PGAP2: variants seen among roughly 807,000 people sequenced by gnomAD.
The protein encoded by PGAP2 is post-GPI attachment to proteins 2.
Under a neutral mutation model 33.2 loss-of-function variants are expected in PGAP2, and 21 were observed. The ratio of observed to expected loss-of-function variants is 0.63; its 90% CI spans 0.45 to 0.91. PGAP2 has a LOEUF of 0.91. Among genes scored for constraint, PGAP2 ranks in the 40% least tolerant of loss-of-function variants. The probability of loss-of-function intolerance (pLI) is 0.00; values close to 1 mark genes in which losing one functional copy is unlikely to be tolerated. For missense variants in PGAP2, 345 were observed against 424.0 expected (o/e 0.81, Z 1.64); for synonymous variants, 161 against 172.9 (o/e 0.93, Z 0.54).
At chr11:3,821,486 G>A (rs2134904720) in intron 3 of PGAP2, among the ~76,000 whole-genome samples, 1 of 152,336 alleles carries the variant, frequency 6.6e-6, no homozygotes, top group East Asian at 1.9e-4. Context: ...TGCTGGGGGT[G>A]GTGGCTCACG....
chr11:3,805,058 C>T (rs894828350), upstream of PGAP2, among the ~76,000 whole-genome samples: 9 of 151,958 alleles, frequency 5.9e-5, no homozygotes, highest in Admixed American at 2.0e-4. Context: ...TAGGCGAGGT[C>T]TTTCAAACTG....
At chr11:3,812,686 T>C in intron 2 of PGAP2, among the ~76,000 whole-genome samples, 1 of 152,210 alleles carries the variant, frequency 6.6e-6, no homozygotes, top group East Asian at 1.9e-4. Flanking sequence ...CCCAGCCAGC[T>C]GGATCCCCAC....
At chr11:3,799,922 A>G (rs1045609373) in intron 1 of PGAP2, among the ~76,000 whole-genome samples, 3 of 152,174 alleles carry the variant, frequency 2.0e-5, no homozygotes, top group African/African-American at 4.8e-5. Context: ...AGCTGTGATT[A>G]CAGTCATGCC....
chr11:3,824,676 G>T, intron 5 of PGAP2: 1 of 768,682 alleles, frequency 1.3e-6, no homozygotes. Flanking sequence ...AGTGTCAGAG[G>T]ACTGGTCTGT....
rs1316144338 is a variant in PGAP2 at position 3,823,912 on chromosome 11, A to G, written c.378A>G (p.Ser126=). The change falls in exon 4 of 7, where the codon TCA becomes TCG. Residue 126 remains serine (S), a synonymous_variant. Coordinates refer to ENST00000278243, the MANE Select transcript of PGAP2 (RefSeq NM_014489.4). ...GVPNYLPSVS[S]AIGGEVPQRY... is the part of the protein sequence containing the mutation. The stretch of plus-strand genomic sequence containing the variant: ...CCAATTACCTGCCCTCGGTGAGCTC[A>G]GCCATCGGCGGGGAGGTGCCCCAGC... 5 of 1,605,564 alleles carry G rather than the reference A, an allele frequency of 3.1e-6. No homozygotes were observed. The highest frequency in any genetic ancestry group is 4.2e-6 in the Non-Finnish European group (5 of 1,179,936).
chr11:3,823,054 T>TTTTTTTTTTTTTTTTTTG lies in PGAP2; in HGVS notation c.349-829_349-828insTTTTTTTTTTTTTTTTTG, dbSNP rs1316682518. On this transcript the variant is annotated intron_variant, in intron 3 of 6. Coordinates refer to ENST00000278243, the MANE Select transcript of PGAP2 (RefSeq NM_014489.4). ...TTTTTTTTTTTTTTTTTTTTTTTTT[T>TTTTTTTTTTTTTTTTTTG]GAGACAGAGTCTCACTCTGTTGCCC... 3 of 564,908 alleles carry TTTTTTTTTTTTTTTTTTG rather than the reference T, an allele frequency of 5.3e-6. No individual in the cohort carries two copies. The African/African-American group carries it at 7.3e-5, about 14-fold the overall frequency. The allele number at this position is 564,908 out of a possible 1,614,324, so 35.0% of individuals were successfully genotyped here.
upstream of PGAP2, chr11:3,808,169 T>C (rs1000802500): frequency 1.1e-5 from 16 of 1,469,430 alleles, no homozygotes; most frequent in Admixed American, 4.1e-5. Flanking sequence ...GGGAGGAAAC[T>C]GGCTTAATGT....
chr11:3,801,142 A>AG lies in PGAP2; in HGVS notation c.139+3160_139+3161insG, dbSNP rs1564967889. ...AGAGTGAAAGTCTGTCTTCAAAAAA[A>AG]AAAGAAAAGAAAGGAAAGAAAAAGA... On this transcript the variant is annotated intron_variant, in intron 1 of 6. Transcript: ENST00000300730. 2.6e-5 allele frequency among the ~76,000 whole-genome samples: 4 copies of AG among 151,710 alleles called. No homozygotes were observed. The East Asian group carries it at 7.7e-4, about 29-fold the overall frequency.
chr11:3,818,347 T>C (rs1448815949), intron 3 of PGAP2, among the ~76,000 whole-genome samples: 1 of 127,266 alleles, frequency 7.9e-6, no homozygotes, highest in African/African-American at 3.0e-5. Flanking sequence ...AAAAAAACAA[T>C]AACAGTGCAA....
intron 2 of PGAP2, among the ~76,000 whole-genome samples, chr11:3,815,253 A>G (rs2086735653): frequency 6.6e-6 from 1 of 151,538 alleles, no homozygotes; most frequent in Non-Finnish European, 1.5e-5. Context: ...TCGTGGCTTC[A>G]GGTCAGCCCT....
Position 3,825,776 on chromosome 11 carries a change from C to T in PGAP2, c.*318C>T, listed in dbSNP as rs2089925415. 1 of 247,538 alleles carries T rather than the reference C, an allele frequency of 4.0e-6. No homozygotes were observed. Among genetic ancestry groups the T allele is most frequent in the South Asian group, 5.8e-5 (1 of 17,174 alleles). 15.3% of individuals were successfully genotyped at this position (247,538 alleles called of 1,614,324 possible). On this transcript the variant is annotated 3_prime_UTR_variant, in exon 7 of 7. Coordinates refer to ENST00000278243, the MANE Select transcript of PGAP2 (RefSeq NM_014489.4). ...ACCACCATCCAGTTTCTGGCCTTTA[C>T]ACAGTCACCTTTCACTGAGGTCAGG...
At chr11:3,804,175 T>C (rs936126480), upstream of PGAP2, among the ~76,000 whole-genome samples, 5 of 152,142 alleles carry the variant, frequency 3.3e-5, no homozygotes, top group Admixed American at 2.0e-4. Context: ...AATTACCACA[T>C]GCATTCTTAA....
rs1277284876 is a variant in PGAP2, at chr11:3,808,560, G to A, written c.-102G>A. The stretch of plus-strand genomic sequence containing the variant: ...CGAGAGCGCCGGCCCCGCCCCCGCC[G>A]TTCGCGCTCTGACCAGCCCGCAGAG... On this transcript the variant is annotated 5_prime_UTR_variant, in exon 1 of 7. Transcript: ENST00000278243. 2 of 1,391,368 alleles carry A rather than the reference G, an allele frequency of 1.4e-6. No homozygotes were observed. The highest frequency in any genetic ancestry group is 1.9e-6 in the Non-Finnish European group (2 of 1,074,152). The allele number at this position is 1,391,368 out of a possible 1,614,324, so 86.2% of individuals were successfully genotyped here. A position where few individuals can be genotyped will look rare whatever the true frequency, so the allele number is the denominator to read the frequency against.
intron 5 of PGAP2, 129 bp downstream of exon 5, chr11:3,824,505 G>C (rs1438888724): frequency 3.5e-6 from 5 of 1,416,122 alleles, no homozygotes; most frequent in African/African-American, 1.4e-5. Context: ...GGGGTGCTGG[G>C]GTTGGGGCTG....
chr11:3,825,227 G>T, intron 6 of PGAP2, 99 bp downstream of exon 6: 1 of 1,558,026 alleles, frequency 6.4e-7, no homozygotes, highest in Non-Finnish European at 8.8e-7. Flanking sequence ...GGCTGCCATT[G>T]TGTTCTCTGT....
At chr11:3,818,168 G>C (rs1240344204) in intron 3 of PGAP2, among the ~76,000 whole-genome samples, 1 of 151,712 alleles carries the variant, frequency 6.6e-6, no homozygotes, top group Non-Finnish European at 1.5e-5. Flanking sequence ...TTTGAGACCA[G>C]CCTGGCCAAC....
intron 3 of PGAP2, among the ~76,000 whole-genome samples, chr11:3,819,039 A>G (rs117645832): frequency 6.6e-6 from 1 of 152,192 alleles, no homozygotes; most frequent in Non-Finnish European, 1.5e-5. Context: ...ACATGATCAG[A>G]TTTGTGCTTT....
chr11:3,823,843 C>G (rs1288680111), intron 3 of PGAP2, 40 bp from the exon 4 acceptor site: 2 of 1,596,896 alleles, frequency 1.3e-6, no homozygotes, highest in South Asian at 2.2e-5. Flanking sequence ...ATGGGCGGGG[C>G]TGGCAGAGGC....
rs1001229205 is a variant in PGAP2 at position 3,822,104 on chromosome 11, T to C, written c.349-1779T>C. On this transcript the variant is annotated intron_variant, in intron 3 of 6. Transcript: ENST00000278243. ...AAACGGCCGGGCGCAGTGGCTCACG[T>C]CTGTAATTCCAGCACTTTGGGAGGC... Among the ~76,000 whole-genome samples the C allele has an allele frequency of 5.6e-4, 84 of 151,350 alleles. 2 individuals are homozygous for C. Among genetic ancestry groups the C allele is most frequent in the African/African-American group, 1.6e-3 (68 of 41,212 alleles).
Sources: gnomAD v4.1 joint callset for allele counts (sites outside exome capture counted in the v4.1 genomes callset) on GRCh38, gnomAD v4.1.1 for gene constraint, MANE v1.5 for transcripts, NCBI Gene and HGNC (gene_info 2026-07-23, HGNC 2026-07-21) for gene names.